MMACHC: variants seen among roughly 807,000 people sequenced by gnomAD.
MMACHC encodes cyanocobalamin reductase / alkylcobalamin dealkylase.
In MMACHC, 14 loss-of-function variants were observed where a neutral mutation model predicts 17.6. The ratio of observed to expected loss-of-function variants is 0.80; its 90% CI spans 0.53 to 1.25. MMACHC has a LOEUF of 1.25. Ranked by LOEUF, MMACHC falls within the 50% of genes most tolerant of loss-of-function variation. The pLI is 0.00. For missense variants in MMACHC, 392 were observed against 364.5 expected (o/e 1.08, Z -0.62); for synonymous variants, 151 against 142.1 (o/e 1.06, Z -0.45).
At position 45,508,280 on chromosome 1, in the gene MMACHC, C is replaced by T. The variant is rs1173851976; in HGVS notation, c.345C>T (p.Ile115=). ...TGCACCCCAACCGACGCCCCAAGAT[C>T]CTGGCCCAGACAGCAGCCCATGTAG... ...YEVHPNRRPK[I]LAQTAAHVAG... is the part of the protein sequence containing the mutation. Residue 115 remains isoleucine, a synonymous_variant, in exon 3 of 4, where the codon ATC becomes ATT. Transcript: ENST00000401061. 6.2e-7 allele frequency: 1 copy of T among 1,614,198 alleles called. No individual in the cohort carries two copies. Among genetic ancestry groups the T allele is most frequent in the African/African-American group, 1.3e-5 (1 of 75,050 alleles).
In MMACHC at chr1:45,510,427, G is replaced by C. The variant is rs377501378; in HGVS notation, c.*1212G>C. 6.6e-6 allele frequency: 1 copy of C among 152,134 alleles called. No individual in the cohort carries two copies. The highest frequency in any genetic ancestry group is 1.5e-5 in the Non-Finnish European group (1 of 68,048). The allele number at this position is 152,134 out of a possible 1,614,324, so 9.4% of individuals were successfully genotyped here. A position where few individuals can be genotyped will look rare whatever the true frequency, so the allele number is the denominator to read the frequency against. On this transcript the variant is annotated 3_prime_UTR_variant, in exon 4 of 4. Coordinates refer to ENST00000401061, the MANE Select transcript of MMACHC (RefSeq NM_015506.3). The stretch of plus-strand genomic sequence containing the variant: ...AAAACGAGCTTTGGCCAGGCACTGT[G>C]GCGCTCACCTGTAATCCCACCATTT...
At position 45,508,261 on chromosome 1, in the gene MMACHC, C is replaced by CATTG. The variant is rs1643665161; in HGVS notation, c.326_327insATTG (p.Asn110LeufsTer30). ...ATCATTGCTGACTACGAGGTGCACCCCAACCGACGCCCCAAGATCCTGGCC... is the reference window on the plus strand; with the variant it reads ...ATCATTGCTGACTACGAGGTGCACCCATTGCAACCGACGCCCCAAGATCCTGGCC... On this transcript the variant is annotated frameshift_variant, in exon 3 of 4. Coordinates refer to ENST00000401061, the MANE Select transcript of MMACHC (RefSeq NM_015506.3). LOFTEE classifies it high-confidence loss of function. 2.5e-6 allele frequency: 4 copies of CATTG among 1,613,968 alleles called. No individual in the cohort carries two copies. In the African/African-American group the frequency reaches 4.0e-5, roughly 16 times the overall value.
At chr1:45,508,141 T>A in intron 2 of MMACHC, 71 bp from the exon 3 acceptor site, 1 of 1,575,764 alleles carries the variant, frequency 6.3e-7, no homozygotes. Context: ...CAAAACAAAC[T>A]AGGGCTCCCT....
At chr1:45,507,592 C>G (rs746224742) in intron 2 of MMACHC, 42 bp downstream of exon 2, 2 of 1,605,148 alleles carry the variant, frequency 1.2e-6, no homozygotes, top group Non-Finnish European at 1.7e-6. Flanking sequence ...AAACCTACAG[C>G]TGCCTCCAGT....
Position 45,500,385 on chromosome 1 carries a change from C to A in MMACHC, c.53C>A (p.Pro18His), listed in dbSNP as rs371004372. The change falls in exon 1 of 4, where the codon CCT becomes CAT. Residue 18 changes from proline (P) to histidine (H), a missense_variant. By Grantham distance (77) the Pro-to-His change is moderately conservative (BLOSUM62 -2). Transcript: ENST00000401061. Reference sequence around the variant, plus strand: ...CAGAAGATCGAGGACACGCTATGTCCTTTTGGCTTCGAGGTTTACCCCTTC... The same window carrying A: ...CAGAAGATCGAGGACACGCTATGTCATTTTGGCTTCGAGGTTTACCCCTTC... ...LKQKIEDTLC[P>H]FGFEVYPFQV... is the part of the protein sequence containing the mutation. 6.2e-7 allele frequency: 1 copy of A among 1,614,174 alleles called. No homozygotes were observed. The highest frequency in any genetic ancestry group is 8.5e-7 in the Non-Finnish European group (1 of 1,180,018).
chr1:45,503,806 C>T (rs191462416), intron 1 of MMACHC, among the ~76,000 whole-genome samples: 1 of 152,332 alleles, frequency 6.6e-6, no homozygotes, highest in Admixed American at 6.5e-5. Context: ...AAGTGTTCTG[C>T]ACTATGAGTC....
intron 1 of MMACHC, among the ~76,000 whole-genome samples, chr1:45,504,455 T>C (rs1403309541): frequency 6.6e-6 from 1 of 152,152 alleles, no homozygotes; most frequent in African/African-American, 2.4e-5. Context: ...GTTAGGGGTT[T>C]GTAGACTAAT....
intron 1 of MMACHC, among the ~76,000 whole-genome samples, chr1:45,501,039 T>A (rs1324161315): frequency 2.0e-5 from 3 of 152,144 alleles, no homozygotes; most frequent in Non-Finnish European, 2.9e-5. Flanking sequence ...TGGAACTTCC[T>A]AAAGGATTTA....
At position 45,512,773 on chromosome 1, in the gene MMACHC, G is replaced by A. The variant is rs956645166; in HGVS notation, c.*3558G>A. 2 of 152,216 alleles carry A rather than the reference G, an allele frequency of 1.3e-5. No individual in the cohort carries two copies. The highest frequency in any genetic ancestry group is 2.9e-5 in the Non-Finnish European group (2 of 68,042). 9.4% of individuals were successfully genotyped at this position (152,216 alleles called of 1,614,324 possible). Reference sequence around the variant, plus strand: ...TAATGCTGAACCTCATCTCCCACAAGGGGGCAGTCTCAGCAGGTGTCAGCT... The same window carrying A: ...TAATGCTGAACCTCATCTCCCACAAAGGGGCAGTCTCAGCAGGTGTCAGCT... On this transcript the variant is annotated 3_prime_UTR_variant, in exon 4 of 4. Coordinates refer to ENST00000401061, the MANE Select transcript of MMACHC (RefSeq NM_015506.3).
intron 1 of MMACHC, among the ~76,000 whole-genome samples, chr1:45,504,785 T>C (rs1176692057): frequency 6.6e-6 from 1 of 152,136 alleles, no homozygotes; most frequent in East Asian, 1.9e-4. Flanking sequence ...GTTTCTAGCC[T>C]CTTTGGTAGC....
intron 1 of MMACHC, among the ~76,000 whole-genome samples, chr1:45,503,956 T>A (rs1643580195): frequency 6.6e-6 from 1 of 152,252 alleles, no homozygotes; most frequent in Admixed American, 6.5e-5. Flanking sequence ...ACATCTCTTC[T>A]CCATGTTCAG....
rs1361592186 is a variant in MMACHC, at chr1:45,508,276, A to G, written c.341A>G (p.Lys114Arg). Residue 114 changes from lysine (K) to arginine (R), a missense_variant, in exon 3 of 4, where the codon AAG (lysine) becomes AGG (arginine). Physicochemically the swap from Lys to Arg is conservative, Grantham distance 26. Coordinates refer to ENST00000401061, the MANE Select transcript of MMACHC (RefSeq NM_015506.3). Reference protein sequence around the residue: ...DYEVHPNRRPKILAQTAAHVA... With the variant: ...DYEVHPNRRPRILAQTAAHVA... ...GAGGTGCACCCCAACCGACGCCCCA[A>G]GATCCTGGCCCAGACAGCAGCCCAT... 6.2e-7 allele frequency: 1 copy of G among 1,614,170 alleles called. No homozygotes were observed. Among genetic ancestry groups the G allele is most frequent in the South Asian group, 1.1e-5 (1 of 91,082 alleles).
At position 45,510,516 on chromosome 1, in the gene MMACHC, G is replaced by T. The variant is rs923980223; in HGVS notation, c.*1301G>T. On this transcript the variant is annotated 3_prime_UTR_variant, in exon 4 of 4. Transcript: ENST00000401061. ...TCAGAACCACTCTGGGCAACATAATGACACTAAAAAAGACTATCTCTAATC... is the reference window on the plus strand; with the variant it reads ...TCAGAACCACTCTGGGCAACATAATTACACTAAAAAAGACTATCTCTAATC... The T allele has an allele frequency of 6.6e-6, 1 of 152,186 alleles. No homozygotes were observed. Among genetic ancestry groups the T allele is most frequent in the African/African-American group, 2.4e-5 (1 of 41,404 alleles). 9.4% of individuals were successfully genotyped at this position (152,186 alleles called of 1,614,324 possible).
intron 1 of MMACHC, among the ~76,000 whole-genome samples, chr1:45,505,671 A>C (rs1643609998): frequency 6.6e-6 from 1 of 151,928 alleles, no homozygotes. Context: ...TGGGAGGCCA[A>C]GTCAGGTGGA....
chr1:45,511,385 C>T lies in MMACHC; in HGVS notation c.*2170C>T. 4 of 1,613,158 alleles carry T rather than the reference C, an allele frequency of 2.5e-6. No individual in the cohort carries two copies. Among genetic ancestry groups the T allele is most frequent in the Non-Finnish European group, 2.5e-6 (3 of 1,179,656 alleles). ...TTTTGGACATCAGGCTTGATGGTATCACTGCCAGGTTTCCAGCCAGCTGGG... is the reference window on the plus strand; with the variant it reads ...TTTTGGACATCAGGCTTGATGGTATTACTGCCAGGTTTCCAGCCAGCTGGG... On this transcript the variant is annotated 3_prime_UTR_variant, in exon 4 of 4. Transcript: ENST00000401061.
chr1:45,508,651 G>GA lies in MMACHC; in HGVS notation c.430-142dup, dbSNP rs533101721. 4.3e-4 allele frequency: 452 copies of GA among 1,041,442 alleles called. 1 individual carries two copies. In the African/African-American group the frequency reaches 6.5e-3, roughly 15 times the overall value. The allele number at this position is 1,041,442 out of a possible 1,614,324, so 64.5% of individuals were successfully genotyped here. ...CTTCCCTGTGCTCAGAATAGTTTAT[G>GA]AAAGGGTTTGCCAAGAAAAGGACAG... On this transcript the variant is annotated intron_variant, in intron 3 of 3. Coordinates refer to ENST00000401061, the MANE Select transcript of MMACHC (RefSeq NM_015506.3).
At chr1:45,502,878 A>AT (rs1360423112) in intron 1 of MMACHC, among the ~76,000 whole-genome samples, 1 of 151,174 alleles carries the variant, frequency 6.6e-6, no homozygotes, top group African/African-American at 2.4e-5. Flanking sequence ...CTAATTTTGT[A>AT]TTTTTTTTAG....
rs142351658 is a variant in MMACHC at position 45,508,487 on chromosome 1, C to G, written c.429+123C>G. The G allele has an allele frequency of 0.019, 22,645 of 1,210,532 alleles. 251 individuals carry two copies. The highest frequency in any genetic ancestry group is 0.023 in the Non-Finnish European group (20,225 of 863,024). The allele number at this position is 1,210,532 out of a possible 1,614,324, so 75.0% of individuals were successfully genotyped here. A position where few individuals can be genotyped will look rare whatever the true frequency, so the allele number is the denominator to read the frequency against. On this transcript the variant is annotated intron_variant, in intron 3 of 3. Transcript: ENST00000401061. The stretch of plus-strand genomic sequence containing the variant: ...CAACCCAGAACAAATTAGCTTTGTT[C>G]TGGATGGGAGGCAGTCCTGTCACAT...
At chr1:45,507,049 C>A (rs901999048) in intron 1 of MMACHC, among the ~76,000 whole-genome samples, 2 of 151,960 alleles carry the variant, frequency 1.3e-5, no homozygotes, top group Non-Finnish European at 2.9e-5. Context: ...CATCGTAATC[C>A]CAGCTGCTCG....
Sources: gnomAD v4.1 joint callset for allele counts (sites outside exome capture counted in the v4.1 genomes callset) on GRCh38, gnomAD v4.1.1 for gene constraint, MANE v1.5 for transcripts, NCBI Gene and HGNC (gene_info 2026-07-23, HGNC 2026-07-21) for gene names.